TMEM178B: variants seen among roughly 807,000 people sequenced by gnomAD.
TMEM178B encodes the protein transmembrane protein 178B.
A neutral mutation model predicts 31.0 loss-of-function variants in TMEM178B; 5 were observed. That is an observed-to-expected ratio of 0.16 (90% CI 0.08 to 0.34). The LOEUF is 0.34. TMEM178B is among the 10% of genes least tolerant of loss of function. TMEM178B has a pLI of 1.00. For missense variants in TMEM178B, 275 were observed against 400.3 expected (o/e 0.69, Z 2.67); for synonymous variants, 164 against 164.0 (o/e 1.00, Z 0.00).
intron 2 of TMEM178B, among the ~76,000 whole-genome samples, chr7:141,258,901 T>C (rs1031750457): frequency 6.6e-6 from 1 of 152,232 alleles, no homozygotes; most frequent in Non-Finnish European, 1.5e-5. Flanking sequence ...CCCTTTATCT[T>C]TGGCTTTTAA....
chr7:141,441,302 A>T (rs938954696), intron 3 of TMEM178B, among the ~76,000 whole-genome samples: 2 of 152,248 alleles, frequency 1.3e-5, no homozygotes, highest in Non-Finnish European at 2.9e-5. Flanking sequence ...GAACCTGGCC[A>T]GTCCCTGCTC....
intron 2 of TMEM178B, among the ~76,000 whole-genome samples, chr7:141,359,482 TA>T (rs1309361703): frequency 6.6e-6 from 1 of 152,240 alleles, no homozygotes; most frequent in East Asian, 1.9e-4. Context: ...ACTCAATTGT[TA>T]GCTTACTCTA....
rs1372526508 is a variant in TMEM178B at position 141,475,012 on chromosome 7, TA to T, written c.*4229del. On this transcript the variant is annotated 3_prime_UTR_variant, in exon 4 of 4. Coordinates refer to ENST00000565468, the MANE Select transcript of TMEM178B (RefSeq NM_001195278.2). ...GGGATACTTGGTTGATTCTTGTAGT[TA>T]AAGTGAAGTTGCTTTTCTGAAAATG... 6.6e-6 allele frequency: 1 copy of T among 152,256 alleles called. No homozygotes were observed. The highest frequency in any genetic ancestry group is 2.4e-5 in the African/African-American group (1 of 41,450). The allele number at this position is 152,256 out of a possible 1,614,324, so 9.4% of individuals were successfully genotyped here.
the TMEM178B span, among the ~76,000 whole-genome samples, chr7:141,494,732 C>T: frequency 1.3e-5 from 2 of 152,046 alleles, no homozygotes; most frequent in African/African-American, 2.4e-5. Context: ...AGTAAAACCT[C>T]GTCTCTAAGA....
At chr7:141,326,509 C>T (rs931984306) in intron 2 of TMEM178B, among the ~76,000 whole-genome samples, 1 of 152,114 alleles carries the variant, frequency 6.6e-6, no homozygotes, top group African/African-American at 2.4e-5. Flanking sequence ...GTAGATGCCT[C>T]ACAGTAATTA....
In TMEM178B at chr7:141,477,646, C is replaced by T. The variant is rs1405798551; in HGVS notation, c.*6860C>T. 19 of 152,244 alleles carry T rather than the reference C, an allele frequency of 1.2e-4. No individual in the cohort carries two copies. Among genetic ancestry groups the T allele is most frequent in the Non-Finnish European group, 1.5e-5 (1 of 68,098 alleles). The allele number at this position is 152,244 out of a possible 1,614,324, so 9.4% of individuals were successfully genotyped here. On this transcript the variant is annotated 3_prime_UTR_variant, in exon 4 of 4. Coordinates refer to ENST00000565468, the MANE Select transcript of TMEM178B (RefSeq NM_001195278.2). The stretch of plus-strand genomic sequence containing the variant: ...CCTTGGGGGAGTCTCATTACCTCAC[C>T]TTGTCTCCACGTCTTCTCAGCCAAA...
chr7:141,375,629 A>T (rs1800199345), intron 2 of TMEM178B, among the ~76,000 whole-genome samples: 1 of 152,228 alleles, frequency 6.6e-6, no homozygotes. Flanking sequence ...GGAAGCCATG[A>T]AGAAATGAGC....
At chr7:141,501,573 T>C in the TMEM178B span, among the ~76,000 whole-genome samples, 1 of 152,242 alleles carries the variant, frequency 6.6e-6, no homozygotes, top group Non-Finnish European at 1.5e-5. Flanking sequence ...TTTTTAAAGA[T>C]GAGGTTAATA....
chr7:141,203,053 T>C (rs140832590), intron 1 of TMEM178B, among the ~76,000 whole-genome samples: 157 of 152,348 alleles, frequency 1.0e-3, no homozygotes, highest in African/African-American at 3.4e-3. Context: ...TCTCGTGGTC[T>C]TCTAAAGAAT....
intron 2 of TMEM178B, among the ~76,000 whole-genome samples, chr7:141,299,272 G>C (rs1798685423): frequency 6.6e-6 from 1 of 152,102 alleles, no homozygotes; most frequent in African/African-American, 2.4e-5. Flanking sequence ...CGCATCCTAG[G>C]TGCAAGTGAT....
At chr7:141,482,331 G>A (rs148775386), downstream of TMEM178B, among the ~76,000 whole-genome samples, 32 of 152,230 alleles carry the variant, frequency 2.1e-4, no homozygotes, top group Non-Finnish European at 4.4e-4. Context: ...CCTGGGCGAA[G>A]AGCTCTTTCC....
At chr7:141,286,053 G>T (rs1251412771) in intron 2 of TMEM178B, among the ~76,000 whole-genome samples, 1 of 151,838 alleles carries the variant, frequency 6.6e-6, no homozygotes, top group Non-Finnish European at 1.5e-5. Flanking sequence ...TAACAAACCT[G>T]CACGTTCTGC....
the TMEM178B span, among the ~76,000 whole-genome samples, chr7:141,493,213 G>A: frequency 2.6e-5 from 4 of 152,026 alleles, no homozygotes; most frequent in Non-Finnish European, 4.4e-5. Flanking sequence ...CCCTCCTCAC[G>A]ACCCTCAGGA....
intron 2 of TMEM178B, among the ~76,000 whole-genome samples, chr7:141,359,502 G>A (rs561628110): frequency 6.6e-6 from 1 of 152,286 alleles, no homozygotes; most frequent in African/African-American, 2.4e-5. Context: ...TAACCATAAT[G>A]ACTGTAAACA....
At chr7:141,193,525 T>C (rs116447882) in intron 1 of TMEM178B, among the ~76,000 whole-genome samples, 256 of 152,304 alleles carry the variant, frequency 1.7e-3, no homozygotes, top group East Asian at 6.8e-3. Context: ...CCACTTGCCA[T>C]CTCTTAGCTC....
intron 2 of TMEM178B, among the ~76,000 whole-genome samples, chr7:141,325,286 TG>T (rs770301837): frequency 2.0e-5 from 3 of 152,146 alleles, no homozygotes; most frequent in Non-Finnish European, 2.9e-5. Flanking sequence ...GAACTCTAAA[TG>T]GGGGCTGTAA....
the TMEM178B span, among the ~76,000 whole-genome samples, chr7:141,510,702 A>AAAG: frequency 7.0e-6 from 1 of 143,810 alleles, no homozygotes; most frequent in African/African-American, 2.8e-5. Flanking sequence ...AAAAAAAAAA[A>AAAG]AAAAAAAAAA....
At chr7:141,086,244 C>T (rs2129171626) in intron 1 of TMEM178B, among the ~76,000 whole-genome samples, 2 of 152,230 alleles carry the variant, frequency 1.3e-5, no homozygotes, top group East Asian at 3.9e-4. Flanking sequence ...GTTGGCCAGG[C>T]TGGTCTCGAA....
intron 2 of TMEM178B, among the ~76,000 whole-genome samples, chr7:141,356,791 T>G (rs1337778020): frequency 6.6e-6 from 1 of 151,902 alleles, no homozygotes; most frequent in East Asian, 1.9e-4. Context: ...TACCTTTGAA[T>G]CTTGCTACCC....
Sources: allele counts gnomAD v4.1 joint callset (sites outside exome capture counted in the v4.1 genomes callset), GRCh38; gene constraint gnomAD v4.1.1; transcripts MANE v1.5; gene names NCBI Gene and HGNC (gene_info 2026-07-23, HGNC 2026-07-21).